RPGRIP1L: variants seen among roughly 807,000 people sequenced by gnomAD.
The protein encoded by RPGRIP1L is RPGRIP1 like.
Under a neutral mutation model 160.4 loss-of-function variants are expected in RPGRIP1L, and 131 were observed. That is an observed-to-expected ratio of 0.82 (90% confidence interval 0.71 to 0.94). The LOEUF (loss-of-function observed/expected upper bound fraction) is 0.94, where lower values mean the gene tolerates loss of function less well. Ranked by LOEUF, RPGRIP1L falls within the 40% of genes least tolerant of loss-of-function variation. The pLI, the probability that RPGRIP1L is intolerant of heterozygous loss-of-function variation, is 0.00. For synonymous variants in RPGRIP1L, 510 were observed against 515.8 expected (o/e 0.99, Z 0.15); for missense variants, 1,522 against 1,535.8 (o/e 0.99, Z 0.15).
chr16:53,608,945 T>G (rs111324708), intron 25 of RPGRIP1L, among the ~76,000 whole-genome samples: 2 of 152,232 alleles, frequency 1.3e-5, no homozygotes, highest in African/African-American at 4.8e-5. Flanking sequence ...ACTGAAACAC[T>G]CATCCATGGT....
At chr16:53,612,462 T>A (rs938467787) in intron 24 of RPGRIP1L, among the ~76,000 whole-genome samples, 1 of 150,872 alleles carries the variant, frequency 6.6e-6, no homozygotes, top group Non-Finnish European at 1.5e-5. Flanking sequence ...TACACAACGC[T>A]AAAGGGGAAC....
chr16:53,639,403 A>G (rs1174597217), intron 19 of RPGRIP1L, among the ~76,000 whole-genome samples: 2 of 152,110 alleles, frequency 1.3e-5, no homozygotes, highest in South Asian at 2.1e-4. Context: ...ATTTAATATC[A>G]TAACATAAAT....
In RPGRIP1L at chr16:53,652,678, A is replaced by C. The variant is rs770966810; in HGVS notation, c.2009T>G (p.Leu670Trp). 1.9e-6 allele frequency: 3 copies of C among 1,614,090 alleles called. No homozygotes were observed. Among genetic ancestry groups the C allele is most frequent in the South Asian group, 1.1e-5 (1 of 91,074 alleles). ...QYLVHVNDLF[L>W]QYIQKNTITL... ...GATAGTATTCTTCTGAATATATTGC[A>C]AAAATAAGTCATTAACATGAACAAG... Residue 670 changes from leucine (L) to tryptophan (W), a missense_variant, in exon 15 of 27, where the codon TTG becomes TGG. Coordinates refer to ENST00000647211, the MANE Select transcript of RPGRIP1L (RefSeq NM_015272.5).
chr16:53,606,784 T>G (rs1963715437), intron 25 of RPGRIP1L, among the ~76,000 whole-genome samples: 1 of 152,122 alleles, frequency 6.6e-6, no homozygotes, highest in Admixed American at 6.5e-5. Flanking sequence ...TGGCTAATTT[T>G]TGTATTTTTA....
chr16:53,631,256 G>A (rs1259571749), intron 22 of RPGRIP1L, among the ~76,000 whole-genome samples: 1 of 152,186 alleles, frequency 6.6e-6, no homozygotes, highest in Non-Finnish European at 1.5e-5. Context: ...AATCACCTGG[G>A]AATGCCAGCT....
At chr16:53,630,331 G>A (rs536321205) in intron 22 of RPGRIP1L, among the ~76,000 whole-genome samples, 20 of 152,254 alleles carry the variant, frequency 1.3e-4, no homozygotes, top group African/African-American at 4.3e-4. Flanking sequence ...GATTACAGCT[G>A]TCAGCCACCA....
In RPGRIP1L at chr16:53,638,465, C is replaced by T. The variant is rs909371199; in HGVS notation, c.2959-54G>A. 41 of 981,308 alleles carry T rather than the reference C, an allele frequency of 4.2e-5. No homozygotes were observed. In the South Asian group the frequency reaches 5.2e-4, roughly 13 times the overall value. 60.8% of individuals were successfully genotyped at this position (981,308 alleles called of 1,614,324 possible). On this transcript the variant is annotated intron_variant, in intron 19 of 26. Coordinates refer to ENST00000647211, the MANE Select transcript of RPGRIP1L (RefSeq NM_015272.5). ...TGTCATTTTTTATTTATTACTAAAT[C>T]CCAAATCATTCTATCATATACATAT...
chr16:53,642,062 TACAACA>T (rs1966253746), intron 17 of RPGRIP1L, among the ~76,000 whole-genome samples: 3 of 152,132 alleles, frequency 2.0e-5, no homozygotes, highest in Non-Finnish European at 4.4e-5. Context: ...ATGGACCATC[TACAACA>T]AATAGCAGTA....
intron 8 of RPGRIP1L, 144 bp downstream of exon 8, chr16:53,672,726 C>T (rs1392147589): frequency 4.4e-6 from 3 of 683,476 alleles, no homozygotes; most frequent in Non-Finnish European, 7.4e-6. Context: ...ATATTAACAA[C>T]TATATTTTGC....
chr16:53,675,928 T>C (rs1969117535), intron 6 of RPGRIP1L, among the ~76,000 whole-genome samples: 1 of 152,142 alleles, frequency 6.6e-6, no homozygotes, highest in African/African-American at 2.4e-5. Flanking sequence ...TTTAATACAT[T>C]TTATATTAAA....
At chr16:53,691,974 C>T in intron 4 of RPGRIP1L, 92 bp downstream of exon 4, 2 of 1,165,350 alleles carry the variant, frequency 1.7e-6, no homozygotes, top group East Asian at 2.3e-5. Flanking sequence ...CACTTAAAAG[C>T]ATGCGTAATA....
intron 6 of RPGRIP1L, among the ~76,000 whole-genome samples, chr16:53,683,485 T>G (rs1291855463): frequency 6.6e-6 from 1 of 152,144 alleles, no homozygotes. Flanking sequence ...ATGGTAGGTA[T>G]GTTTTTAAAA....
At chr16:53,679,011 A>G (rs1210614411) in intron 6 of RPGRIP1L, among the ~76,000 whole-genome samples, 1 of 152,212 alleles carries the variant, frequency 6.6e-6, no homozygotes, top group African/African-American at 2.4e-5. Context: ...ATAGCTGAGG[A>G]AAGTCTATTT....
rs1490733899 is a variant in RPGRIP1L at position 53,675,122 on chromosome 16, C to T, written c.777G>A (p.Arg259=). ...QLREQQATDQ[R]SNIRDNVEMI... ...TTTCTACATTGTCCCGAATATTTGACCTTCAGAGTTGTGTTTAAGAAAAAG... is the reference window on the plus strand; with the variant it reads ...TTTCTACATTGTCCCGAATATTTGATCTTCAGAGTTGTGTTTAAGAAAAAG... The change falls in exon 7 of 27, where the codon AGG becomes AGA. Residue 259 remains arginine (R), a splice_region_variant and synonymous_variant. Coordinates refer to ENST00000647211, the MANE Select transcript of RPGRIP1L (RefSeq NM_015272.5). The T allele has an allele frequency of 5.0e-6, 8 of 1,601,272 alleles. No homozygotes were observed. The highest frequency in any genetic ancestry group is 3.3e-5 in the South Asian group (3 of 90,798).
intron 24 of RPGRIP1L, among the ~76,000 whole-genome samples, chr16:53,616,480 A>G (rs1353810546): frequency 6.6e-6 from 1 of 152,188 alleles, no homozygotes; most frequent in Non-Finnish European, 1.5e-5. Context: ...TTTTTCAGAT[A>G]TAACAGATAT....
In RPGRIP1L at chr16:53,632,667, A is replaced by G. The variant is rs552235241; in HGVS notation, c.3294+3772T>C. 2.2e-3 allele frequency among the ~76,000 whole-genome samples: 334 copies of G among 152,212 alleles called. 2 individuals are homozygous for G. The highest frequency in any genetic ancestry group is 7.7e-3 in the African/African-American group (320 of 41,534). On this transcript the variant is annotated intron_variant, in intron 22 of 26. Coordinates refer to ENST00000647211, the MANE Select transcript of RPGRIP1L (RefSeq NM_015272.5). ...TTCAGCCTATTCTCCTGGGCTCCCT[A>G]AGCATACCATAATAGGCTTGGCCCA...
In RPGRIP1L at chr16:53,645,987, G is replaced by A; in HGVS notation, c.2321C>T (p.Pro774Leu). ...TGTAGAACTGAGTTGAGCAGTTTTG[G>A]GTGCTTGCTGACTTAACTGGAAAAA... ...EHMQSLSQQAPKTAQLSSTDS... is the reference protein window; with the variant it reads ...EHMQSLSQQALKTAQLSSTDS... The change falls in exon 17 of 27, where the codon CCC (proline) becomes CTC (leucine). Residue 774 changes from proline (P) to leucine (L), a missense_variant. Pro to Leu is a moderately conservative substitution (Grantham distance 98). Coordinates refer to ENST00000647211, the MANE Select transcript of RPGRIP1L (RefSeq NM_015272.5). The A allele has an allele frequency of 1.2e-6, 2 of 1,613,936 alleles. No individual in the cohort carries two copies. Among genetic ancestry groups the A allele is most frequent in the Non-Finnish European group, 1.7e-6 (2 of 1,179,932 alleles).
At chr16:53,700,160 CTAAG>C (rs1287963941) in intron 2 of RPGRIP1L, among the ~76,000 whole-genome samples, 2 of 152,160 alleles carry the variant, frequency 1.3e-5, no homozygotes, top group East Asian at 3.8e-4. Flanking sequence ...ACAGCAACTA[CTAAG>C]TGATAAAAGG....
At chr16:53,666,582 GTGTGTGTGTGTA>G (rs1452690563) in intron 9 of RPGRIP1L, among the ~76,000 whole-genome samples, 8 of 134,874 alleles carry the variant, frequency 5.9e-5, no homozygotes, top group Non-Finnish European at 1.2e-4. Context: ...GTGTGTGTGT[GTGTGTGTGTGTA>G]TATATATATA....
Sources: gnomAD v4.1 joint callset for allele counts (sites outside exome capture counted in the v4.1 genomes callset) on GRCh38, gnomAD v4.1.1 for gene constraint, MANE v1.5 for transcripts, NCBI Gene and HGNC (gene_info 2026-07-23, HGNC 2026-07-21) for gene names.